MNDA: variants seen among roughly 807,000 people sequenced by gnomAD.
MNDA encodes the protein epididymis secretory sperm binding protein.
MNDA carries 43 observed loss-of-function variants against 37.8 expected under a neutral mutation model. The observed-to-expected ratio is 1.14, with a 90% CI of 0.89 to 1.47. MNDA has a LOEUF of 1.47. Among genes scored for constraint, MNDA ranks in the 40% most tolerant of loss-of-function variants. The probability of loss-of-function intolerance (pLI) is 0.00; values close to 1 mark genes in which losing one functional copy is unlikely to be tolerated. For synonymous variants in MNDA, 181 were observed against 169.0 expected (o/e 1.07, Z -0.55); for missense variants, 536 against 476.0 (o/e 1.13, Z -1.17).
chr1:158,847,790 A>G lies in MNDA; in HGVS notation c.1050A>G (p.Val350=), dbSNP rs1342454623. ...AGGATAATACAGGATCCATGGATGT[A>G]GTGGGGAGTGGAAAATGGCACAATA... The part of the protein sequence containing the change: ...EIQDNTGSMD[V]VGSGKWHNIK... Residue 350 remains valine (V), a synonymous_variant, in exon 6 of 7, where the codon GTA becomes GTG. Transcript: ENST00000368141. The G allele has an allele frequency of 3.1e-6, 5 of 1,614,046 alleles. No homozygotes were observed. In the African/African-American group the frequency reaches 4.0e-5, roughly 13 times the overall value.
At chr1:158,845,219 G>GTTGT (rs137942958) in intron 4 of MNDA, among the ~76,000 whole-genome samples, 577 of 145,796 alleles carry the variant, frequency 4.0e-3, no homozygotes, top group African/African-American at 9.8e-3. Context: ...AGTTTTTGTT[G>GTTGT]TTGTTTGTTT....
chr1:158,845,674 A>G lies in MNDA; in HGVS notation c.658A>G (p.Thr220Ala). ...AGTGACAGTGGTGGTACTGAAAGCA[A>G]CAGCGCCATTTAAATACGAGTCCCC... ...DPVTVVVLKA[T>A]APFKYESPEN... The change falls in exon 5 of 7, where the codon ACA becomes GCA. Residue 220 changes from threonine (T) to alanine (A), a missense_variant. Transcript: ENST00000368141. 6.2e-7 allele frequency: 1 copy of G among 1,614,184 alleles called. No homozygotes were observed. The highest frequency in any genetic ancestry group is 1.1e-5 in the South Asian group (1 of 91,088).
chr1:158,849,128 A>C (rs752554487), intron 6 of MNDA, 62 bp from the exon 7 acceptor site: 2 of 1,307,664 alleles, frequency 1.5e-6, no homozygotes, highest in African/African-American at 1.5e-5. Context: ...AAGGAGAACT[A>C]TAAGCAGAGC....
Position 158,845,581 on chromosome 1 carries a change from A to G in MNDA, c.571-6A>G, listed in dbSNP as rs764624738. On this transcript the variant is annotated splice_polypyrimidine_tract_variant and splice_region_variant and intron_variant, in intron 4 of 6. Coordinates refer to ENST00000368141, the MANE Select transcript of MNDA (RefSeq NM_002432.3). ...AAGTTTATTTTCTTGTGTCTGCCCA[A>G]CACAGAATCAGGAAACCCAGGCCCA... The G allele has an allele frequency of 5.0e-6, 8 of 1,607,262 alleles. No homozygotes were observed. The South Asian group carries it at 7.7e-5, about 16-fold the overall frequency.
rs765766305 is a variant in MNDA, at chr1:158,833,137, C to A, written c.-21+1580C>A. 2.4e-4 allele frequency among the ~76,000 whole-genome samples: 37 copies of A among 152,230 alleles called. 1 individual carries two copies. Among genetic ancestry groups the A allele is most frequent in the African/African-American group, 8.9e-4 (37 of 41,552 alleles). On this transcript the variant is annotated intron_variant, in intron 1 of 6. Transcript: ENST00000368141. ...TTTCTTTTATTTGACTCTGGCTTTA[C>A]TTATTTTTAAGATAGTAAAAACACT...
In MNDA at chr1:158,831,521, A is replaced by T. The variant is rs1303810307; in HGVS notation, c.-57A>T. 2.0e-5 allele frequency: 3 copies of T among 152,202 alleles called. No individual in the cohort carries two copies. Among genetic ancestry groups the T allele is most frequent in the African/African-American group, 7.2e-5 (3 of 41,458 alleles). The allele number at this position is 152,202 out of a possible 1,614,324, so 9.4% of individuals were successfully genotyped here. On this transcript the variant is annotated 5_prime_UTR_variant, in exon 1 of 7. Transcript: ENST00000368141. ...TCCTAAACAAGACAGTGACTCCAGG[A>T]TTTCTGAAGACTATTGTGGAAGAAG...
In MNDA at chr1:158,845,644, G is replaced by A. The variant is rs2102051777; in HGVS notation, c.628G>A (p.Asp210Asn). ...VDARRNVPQN[D>N]PVTVVVLKAT... ...TGCAAGAAGAAATGTTCCCCAAAAC[G>A]ACCCAGTGACAGTGGTGGTACTGAA... Residue 210 changes from aspartate (D) to asparagine (N), a missense_variant, in exon 5 of 7, where the codon GAC becomes AAC. Asp to Asn is a conservative substitution (Grantham distance 23). Transcript: ENST00000368141. 1.2e-6 allele frequency: 2 copies of A among 1,613,924 alleles called. No individual in the cohort carries two copies. Among genetic ancestry groups the A allele is most frequent in the Non-Finnish European group, 8.5e-7 (1 of 1,179,918 alleles).
intron 1 of MNDA, among the ~76,000 whole-genome samples, chr1:158,838,210 A>G (rs532392139): frequency 1.3e-5 from 2 of 152,088 alleles, no homozygotes; most frequent in East Asian, 3.9e-4. Flanking sequence ...TTGAGTTACC[A>G]TCTAGCATCC....
intron 1 of MNDA, among the ~76,000 whole-genome samples, chr1:158,841,472 A>G (rs1034002961): frequency 1.3e-5 from 2 of 152,210 alleles, no homozygotes; most frequent in African/African-American, 4.8e-5. Flanking sequence ...ATGTGCAAAA[A>G]ATAAATGCTG....
In MNDA at chr1:158,842,367, A is replaced by ATGCCATCAC. The variant is rs762615165; in HGVS notation, c.216_224dup (p.Pro73_Leu75dup). 7 of 1,613,724 alleles carry ATGCCATCAC rather than the reference A, an allele frequency of 4.3e-6. No homozygotes were observed. In the South Asian group the frequency reaches 7.7e-5, roughly 18 times the overall value. ...CAAACTAATAGAACTTGCCAAAGAT[A>ATGCCATCAC]TGCCATCACTTAAAAACCTTGTTAA... On this transcript the variant is annotated inframe_insertion, in exon 2 of 7. Transcript: ENST00000368141.
At chr1:158,837,322 A>G (rs1026720264) in intron 1 of MNDA, among the ~76,000 whole-genome samples, 1 of 151,804 alleles carries the variant, frequency 6.6e-6, no homozygotes. Flanking sequence ...GTCTCTTACT[A>G]TTACCTTAGA....
Position 158,843,374 on chromosome 1 carries a change from A to G in MNDA, c.361A>G (p.Lys121Glu). The change falls in exon 3 of 7, where the codon AAA becomes GAA. Residue 121 changes from lysine to glutamate, a missense_variant. Coordinates refer to ENST00000368141, the MANE Select transcript of MNDA (RefSeq NM_002432.3). ...GGCACCTGCACCCACCGCAAGAAAC[A>G]AACTGACATCGGAAGCAAGAGGGAG... ...LAAPAPTARNKLTSEARGRIP... is the reference protein window; with the variant it reads ...LAAPAPTARNELTSEARGRIP... The G allele has an allele frequency of 6.2e-7, 1 of 1,612,748 alleles. No individual in the cohort carries two copies. Among genetic ancestry groups the G allele is most frequent in the Non-Finnish European group, 8.5e-7 (1 of 1,179,374 alleles).
At chr1:158,841,587 C>T (rs752452988) in intron 1 of MNDA, among the ~76,000 whole-genome samples, 31 of 152,088 alleles carry the variant, frequency 2.0e-4, no homozygotes, top group Admixed American at 2.0e-4. Context: ...AAAGTGCTAA[C>T]GAGAGCTGAT....
rs1394049672 is a variant in MNDA, at chr1:158,842,247, G to T, written c.94G>T (p.Asp32Tyr). ...ATCAATTAAGTCCTTACTGGCCTAT[G>T]ATTTAGGACTAACTACAAAAATGCA... The part of the protein sequence containing the change: ...FTSIKSLLAY[D>Y]LGLTTKMQEE... The change falls in exon 2 of 7, where the codon GAT (aspartate) becomes TAT (tyrosine). Residue 32 changes from aspartate to tyrosine, a missense_variant. Asp to Tyr is a radical substitution (Grantham distance 160). Transcript: ENST00000368141. 6.2e-7 allele frequency: 1 copy of T among 1,613,860 alleles called. No individual in the cohort carries two copies. Among genetic ancestry groups the T allele is most frequent in the African/African-American group, 1.3e-5 (1 of 74,906 alleles).
chr1:158,843,831 G>A (rs1558057226), intron 3 of MNDA, 124 bp from the exon 4 acceptor site: 2 of 803,218 alleles, frequency 2.5e-6, no homozygotes, highest in Non-Finnish European at 3.8e-6. Flanking sequence ...GTAATTCCCT[G>A]GGGTTTCCAA....
At position 158,844,112 on chromosome 1, in the gene MNDA, C is replaced by T. The variant is rs867226822; in HGVS notation, c.560C>T (p.Ser187Leu). Residue 187 changes from serine to leucine, a missense_variant, in exon 4 of 7, where the codon TCG becomes TTG. Transcript: ENST00000368141. ...TCATCATCAACTCCATCCAACACTT[C>T]GTTTACTCCGGTACACTCTTCCTGG... is the stretch of plus-strand genomic sequence containing the variant. ...QTSSSTPSNT[S>L]FTPNQETQAQ... 1.2e-5 allele frequency: 19 copies of T among 1,579,632 alleles called. No individual in the cohort carries two copies. Among genetic ancestry groups the T allele is most frequent in the Admixed American group, 3.8e-5 (2 of 52,524 alleles).
intron 1 of MNDA, among the ~76,000 whole-genome samples, chr1:158,834,442 A>G (rs142111748): frequency 9.6e-4 from 146 of 152,116 alleles, no homozygotes; most frequent in African/African-American, 3.3e-3. Context: ...CGTGTTTATC[A>G]ATTTTTATCA....
In MNDA at chr1:158,845,576, G is replaced by A. The variant is rs2102051674; in HGVS notation, c.571-11G>A. 6.2e-7 allele frequency: 1 copy of A among 1,604,182 alleles called. No homozygotes were observed. The highest frequency in any genetic ancestry group is 8.5e-7 in the Non-Finnish European group (1 of 1,175,408). ...GTTTTAAGTTTATTTTCTTGTGTCT[G>A]CCCAACACAGAATCAGGAAACCCAG... is the stretch of plus-strand genomic sequence containing the variant. On this transcript the variant is annotated splice_polypyrimidine_tract_variant and intron_variant, in intron 4 of 6. Transcript: ENST00000368141.
chr1:158,840,116 G>A (rs1333424917), intron 1 of MNDA, among the ~76,000 whole-genome samples: 1 of 152,134 alleles, frequency 6.6e-6, no homozygotes, highest in East Asian at 1.9e-4. Context: ...GGCACTGCAA[G>A]TGTCCCAGTA....
Sources: allele counts gnomAD v4.1 joint callset (sites outside exome capture counted in the v4.1 genomes callset), GRCh38; gene constraint gnomAD v4.1.1; transcripts MANE v1.5; gene names NCBI Gene and HGNC (gene_info 2026-07-23, HGNC 2026-07-21).